The following PCSK5 variants were observed in gnomAD, a reference collection of about 807,000 sequenced individuals.
PCSK5 encodes the protein proprotein convertase subtilisin/kexin type 5.
PCSK5 carries 129 observed loss-of-function variants against 233.2 expected under a neutral mutation model. That is an observed-to-expected ratio of 0.55 (90% CI 0.48 to 0.64). The LOEUF is 0.64. Ranked by LOEUF, PCSK5 falls within the 30% of genes least tolerant of loss-of-function variation. The probability of loss-of-function intolerance (pLI) is 0.00; values close to 1 mark genes in which losing one functional copy is unlikely to be tolerated. For missense variants in PCSK5, 2,076 were observed against 2,430.1 expected (o/e 0.85, Z 3.06); for synonymous variants, 825 against 879.2 (o/e 0.94, Z 1.09).
chr9:76,007,065 C>T (rs373191297), intron 3 of PCSK5, among the ~76,000 whole-genome samples: 2 of 152,236 alleles, frequency 1.3e-5, no homozygotes, highest in African/African-American at 4.8e-5. Flanking sequence ...CTTCAATGCT[C>T]CTGATTATAT....
At chr9:76,173,526 T>A in intron 13 of PCSK5, among the ~76,000 whole-genome samples, 1 of 125,262 alleles carries the variant, frequency 8.0e-6, no homozygotes, top group Admixed American at 8.2e-5. Context: ...TTTTTTTTTT[T>A]TTTTTTACTT....
chr9:76,082,371 A>T (rs150737416), intron 7 of PCSK5, among the ~76,000 whole-genome samples: 1 of 152,350 alleles, frequency 6.6e-6, no homozygotes, highest in African/African-American at 2.4e-5. Flanking sequence ...CTTCAGCTGT[A>T]GATGACCCCA....
At chr9:76,183,391 T>C (rs1358387367) in intron 16 of PCSK5, among the ~76,000 whole-genome samples, 1 of 152,254 alleles carries the variant, frequency 6.6e-6, no homozygotes, top group South Asian at 2.1e-4. Flanking sequence ...TGATCACATA[T>C]GATAATGACT....
intron 20 of PCSK5, among the ~76,000 whole-genome samples, chr9:76,218,546 T>C (rs1346601284): frequency 6.7e-6 from 1 of 150,060 alleles, no homozygotes; most frequent in Non-Finnish European, 1.5e-5. Flanking sequence ...CCCTACATTA[T>C]TATCTAATAT....
chr9:76,132,634 G>A (rs1822805039), intron 9 of PCSK5, among the ~76,000 whole-genome samples: 1 of 151,960 alleles, frequency 6.6e-6, no homozygotes, highest in South Asian at 2.1e-4. Context: ...TAAGAGCTGT[G>A]GATGCAAATT....
At chr9:76,097,185 G>A (rs1230089500) in intron 8 of PCSK5, among the ~76,000 whole-genome samples, 1 of 149,048 alleles carries the variant, frequency 6.7e-6, no homozygotes, top group Non-Finnish European at 1.5e-5. Flanking sequence ...TGCCTGCCTC[G>A]GCCTCCCAAA....
At chr9:76,094,567 A>C (rs1291232233) in intron 7 of PCSK5, among the ~76,000 whole-genome samples, 4 of 151,976 alleles carry the variant, frequency 2.6e-5, no homozygotes, top group Admixed American at 2.6e-4. Context: ...TCTATATTCT[A>C]CTTTGCTTCT....
At chr9:76,118,061 C>T (rs538485713) in intron 9 of PCSK5, among the ~76,000 whole-genome samples, 1 of 152,142 alleles carries the variant, frequency 6.6e-6, no homozygotes, top group African/African-American at 2.4e-5. Flanking sequence ...ATCTGATAGC[C>T]TCATTTTCCA....
At chr9:75,897,572 C>A (rs1328509931) in intron 1 of PCSK5, among the ~76,000 whole-genome samples, 1 of 148,242 alleles carries the variant, frequency 6.7e-6, no homozygotes, top group Non-Finnish European at 1.5e-5. Flanking sequence ...CAGCTCGCTG[C>A]AACCGCTGCC....
At chr9:75,902,685 G>A (rs1826094176) in intron 1 of PCSK5, among the ~76,000 whole-genome samples, 1 of 152,234 alleles carries the variant, frequency 6.6e-6, no homozygotes, top group Non-Finnish European at 1.5e-5. Flanking sequence ...GTGCGTGGAA[G>A]AAGAGGATTC....
chr9:75,994,993 A>T (rs1251841616), intron 3 of PCSK5, among the ~76,000 whole-genome samples: 1 of 152,186 alleles, frequency 6.6e-6, no homozygotes, highest in Non-Finnish European at 1.5e-5. Context: ...CTTTCAGCCC[A>T]TAGGCTTTAT....
Position 76,199,944 on chromosome 9 carries a change from A to G in PCSK5, c.2626+10198A>G, listed in dbSNP as rs561795920. Among the ~76,000 whole-genome samples the G allele has an allele frequency of 1.1e-4, 17 of 152,102 alleles. No individual in the cohort carries two copies. In the East Asian group the frequency reaches 3.3e-3, roughly 29 times the overall value. ...CCATCTTTACCACCAAATCTCTCCC[A>G]CCTCAGTAAATGGCATTCACTGTAT... On this transcript the variant is annotated intron_variant, in intron 20 of 37. Transcript: ENST00000674117.
At chr9:76,315,928 G>GTTTTTTTTTT (rs71499141) in intron 30 of PCSK5, among the ~76,000 whole-genome samples, 94 of 91,782 alleles carry the variant, frequency 1.0e-3, no homozygotes, top group Non-Finnish European at 1.3e-3. Context: ...CACTTCAAGG[G>GTTTTTTTTTT]TTTTTTTTTT....
chr9:76,013,945 C>T (rs995546358), intron 3 of PCSK5, among the ~76,000 whole-genome samples: 9 of 144,452 alleles, frequency 6.2e-5, no homozygotes, highest in African/African-American at 2.3e-4. Flanking sequence ...TTTTTCTCAA[C>T]TTTTTTTTTT....
intron 21 of PCSK5, among the ~76,000 whole-genome samples, 180 bp from the exon 22 acceptor site, chr9:76,233,280 A>G (rs1177398395): frequency 6.6e-6 from 1 of 152,186 alleles, no homozygotes; most frequent in Non-Finnish European, 1.5e-5. Context: ...ATCTTGGGCC[A>G]AGGATGGGTA....
intron 10 of PCSK5, among the ~76,000 whole-genome samples, chr9:76,137,376 A>G (rs150810176): frequency 0.019 from 2,898 of 152,228 alleles, 35 homozygotes; most frequent in Non-Finnish European, 0.031. Context: ...CAGAGAGGGA[A>G]GACACATGTA....
At chr9:75,992,200 C>A (rs1405046714) in intron 3 of PCSK5, among the ~76,000 whole-genome samples, 2 of 152,190 alleles carry the variant, frequency 1.3e-5, no homozygotes, top group African/African-American at 4.8e-5. Flanking sequence ...ATTTTAGTAG[C>A]ATCTCTTCAT....
chr9:76,058,745 T>C (rs1002212577), intron 5 of PCSK5, among the ~76,000 whole-genome samples: 11 of 152,156 alleles, frequency 7.2e-5, no homozygotes, highest in Admixed American at 4.6e-4. Flanking sequence ...ATTTTGGAAT[T>C]ATTAGATACA....
intron 22 of PCSK5, among the ~76,000 whole-genome samples, chr9:76,233,798 C>G (rs1687942960): frequency 1.3e-5 from 1 of 76,104 alleles, no homozygotes; most frequent in African/African-American, 5.3e-5. Flanking sequence ...CGGGTGTAGA[C>G]TCGGTGCCCT....
Sources: gnomAD v4.1 joint callset for allele counts (sites outside exome capture counted in the v4.1 genomes callset) on GRCh38, gnomAD v4.1.1 for gene constraint, MANE v1.5 for transcripts, NCBI Gene and HGNC (gene_info 2026-07-23, HGNC 2026-07-21) for gene names.